The following DSCAM variants were observed in gnomAD, a reference collection of about 807,000 sequenced individuals.
DSCAM encodes the protein cell adhesion molecule DSCAM.
A neutral mutation model predicts 217.7 loss-of-function variants in DSCAM; 47 were observed. That is an observed-to-expected ratio of 0.22 (90% CI 0.17 to 0.28). The LOEUF (loss-of-function observed/expected upper bound fraction) is 0.28, where lower values mean the gene tolerates loss of function less well. DSCAM is among the 10% of genes least tolerant of loss of function. The pLI is 1.00. For synonymous variants in DSCAM, 1,056 were observed against 1,015.3 expected, an observed-to-expected ratio of 1.04 and a Z score of -0.76; for missense variants, 2,080 against 2,618.3, an observed-to-expected ratio of 0.79 and a Z score of 4.49.
At chr21:40,040,321 C>T (rs1292083722) in intron 32 of DSCAM, among the ~76,000 whole-genome samples, 1 of 152,188 alleles carries the variant, frequency 6.6e-6, no homozygotes, top group Non-Finnish European at 1.5e-5. Context: ...GTCACAATAT[C>T]ATGAGCAAAG....
At chr21:40,039,650 A>AACTAC (rs2088706830) in intron 32 of DSCAM, among the ~76,000 whole-genome samples, 1 of 152,188 alleles carries the variant, frequency 6.6e-6, no homozygotes. Flanking sequence ...CTTGCATGAT[A>AACTAC]ACTACTTGGC....
chr21:40,773,636 A>G (rs2091464674), intron 1 of DSCAM, among the ~76,000 whole-genome samples: 1 of 152,244 alleles, frequency 6.6e-6, no homozygotes, highest in Admixed American at 6.5e-5. Context: ...ACATTTCAGC[A>G]AAGTGCCTAC....
intron 11 of DSCAM, among the ~76,000 whole-genome samples, chr21:40,267,983 G>A (rs1176904492): frequency 6.6e-6 from 1 of 152,172 alleles, no homozygotes; most frequent in Non-Finnish European, 1.5e-5. Context: ...ATATACACAA[G>A]TATATACAAA....
chr21:40,320,490 G>C (rs1020174779), intron 8 of DSCAM, among the ~76,000 whole-genome samples: 2 of 152,104 alleles, frequency 1.3e-5, no homozygotes, highest in Non-Finnish European at 2.9e-5. Flanking sequence ...AAATGGGCCA[G>C]TAATATATTC....
chr21:40,114,536 T>A (rs1044048308), intron 20 of DSCAM, among the ~76,000 whole-genome samples: 7 of 151,900 alleles, frequency 4.6e-5, no homozygotes, highest in Middle Eastern at 3.2e-3. Flanking sequence ...CCAAAAGCAA[T>A]GGCAACAAAA....
At chr21:40,714,534 G>A (rs2090820156) in intron 1 of DSCAM, among the ~76,000 whole-genome samples, 2 of 152,192 alleles carry the variant, frequency 1.3e-5, no homozygotes, top group Admixed American at 6.5e-5. Context: ...AGATTTACTT[G>A]AAACCTGTTA....
intron 3 of DSCAM, among the ~76,000 whole-genome samples, chr21:40,417,220 T>C (rs1302472337): frequency 6.6e-6 from 1 of 152,204 alleles, no homozygotes; most frequent in African/African-American, 2.4e-5. Context: ...ATATAATATT[T>C]CATACAGATT....
chr21:40,127,450 G>C (rs1405354987), intron 19 of DSCAM, among the ~76,000 whole-genome samples: 4 of 152,264 alleles, frequency 2.6e-5, no homozygotes, highest in Admixed American at 2.6e-4. Context: ...AAACAAACTT[G>C]GGAAGTTTTC....
At chr21:40,813,538 T>C (rs1389875298) in intron 1 of DSCAM, among the ~76,000 whole-genome samples, 1 of 152,196 alleles carries the variant, frequency 6.6e-6, no homozygotes, top group Non-Finnish European at 1.5e-5. Flanking sequence ...TCAAAGAATT[T>C]TTAAATTTCC....
chr21:40,563,636 G>T (rs181306029), intron 3 of DSCAM, among the ~76,000 whole-genome samples: 1 of 144,382 alleles, frequency 6.9e-6, no homozygotes, highest in African/African-American at 2.5e-5. Flanking sequence ...AGTTATATGT[G>T]TATATATAGT....
At chr21:40,453,363 T>C (rs2075737542) in intron 3 of DSCAM, among the ~76,000 whole-genome samples, 1 of 152,168 alleles carries the variant, frequency 6.6e-6, no homozygotes, top group African/African-American at 2.4e-5. Flanking sequence ...TATGTCACAC[T>C]AGGAAAGGTC....
intron 3 of DSCAM, among the ~76,000 whole-genome samples, chr21:40,644,518 C>A (rs2089920175): frequency 6.6e-6 from 1 of 152,174 alleles, no homozygotes; most frequent in African/African-American, 2.4e-5. Context: ...ACCTCAGCCT[C>A]TGGTCCACTG....
chr21:40,508,783 ATT>A (rs1178142732), intron 3 of DSCAM, among the ~76,000 whole-genome samples: 131 of 24,182 alleles, frequency 5.4e-3, no homozygotes, highest in East Asian at 8.2e-3. Context: ...ATATATATAT[ATT>A]TTTTTTTTTT....
intron 2 of DSCAM, among the ~76,000 whole-genome samples, chr21:40,700,297 T>C (rs75911079): frequency 2.6e-5 from 4 of 152,234 alleles, no homozygotes; most frequent in African/African-American, 4.8e-5. Context: ...AAACATTTCA[T>C]CTTTGACAAG....
At chr21:40,529,575 T>C (rs2076426909) in intron 3 of DSCAM, among the ~76,000 whole-genome samples, 1 of 152,030 alleles carries the variant, frequency 6.6e-6, no homozygotes. Flanking sequence ...TGTCAAAGGA[T>C]ATTGCACCAT....
Position 40,489,380 on chromosome 21 carries a change from G to T in DSCAM, c.509-120135C>A, listed in dbSNP as rs976163962. On this transcript the variant is annotated intron_variant, in intron 3 of 32. Coordinates refer to ENST00000400454, the MANE Select transcript of DSCAM (RefSeq NM_001389.5). ...ACTTTGAACTTAAACTGCAACATTTGCTCTTCTCAAGGTCTCCAACCTCTT... is the reference window on the plus strand; with the variant it reads ...ACTTTGAACTTAAACTGCAACATTTTCTCTTCTCAAGGTCTCCAACCTCTT... Among the ~76,000 whole-genome samples, 11 of 152,140 alleles carry T rather than the reference G, an allele frequency of 7.2e-5. No individual in the cohort carries two copies. In the South Asian group the frequency reaches 1.0e-3, roughly 14 times the overall value.
At chr21:40,703,661 G>A (rs548386287) in intron 2 of DSCAM, among the ~76,000 whole-genome samples, 7 of 151,982 alleles carry the variant, frequency 4.6e-5, no homozygotes, top group Admixed American at 6.6e-5. Flanking sequence ...TTATTATTGC[G>A]CTGAGCAATT....
At chr21:40,303,120 A>G (rs1192267727) in intron 9 of DSCAM, among the ~76,000 whole-genome samples, 2 of 152,182 alleles carry the variant, frequency 1.3e-5, no homozygotes, top group South Asian at 4.1e-4. Flanking sequence ...CTACTTGGTG[A>G]CATTTAGTTG....
intron 1 of DSCAM, among the ~76,000 whole-genome samples, chr21:40,833,267 T>A (rs1377703589): frequency 1.3e-5 from 2 of 152,088 alleles, no homozygotes; most frequent in Non-Finnish European, 2.9e-5. Context: ...TTTCAATATT[T>A]CCCAGAGGTC....
Sources: gnomAD v4.1 joint callset for allele counts (sites outside exome capture counted in the v4.1 genomes callset) on GRCh38, gnomAD v4.1.1 for gene constraint, MANE v1.5 for transcripts, NCBI Gene and HGNC (gene_info 2026-07-23, HGNC 2026-07-21) for gene names.